The following ELAVL4 variants were observed in gnomAD, a reference collection of about 807,000 sequenced individuals.
ELAVL4 encodes the protein ELAV-like protein 4.
A neutral mutation model predicts 35.6 loss-of-function variants in ELAVL4; 1 was observed. The ratio of observed to expected loss-of-function variants is 0.03; its 90% CI spans 0.01 to 0.13. ELAVL4 has a LOEUF of 0.13. Ranked by LOEUF, ELAVL4 falls within the 10% of genes least tolerant of loss-of-function variation. ELAVL4 has a pLI of 1.00. For synonymous variants in ELAVL4, 156 were observed against 171.0 expected, an observed-to-expected ratio of 0.91 and a Z score of 0.69; for missense variants, 267 against 464.9, an observed-to-expected ratio of 0.57 and a Z score of 3.91.
intron 1 of ELAVL4, among the ~76,000 whole-genome samples, chr1:50,120,780 G>T (rs759054034): frequency 6.6e-6 from 1 of 151,986 alleles, no homozygotes; most frequent in African/African-American, 2.4e-5. Flanking sequence ...GAAAAATATC[G>T]ACTTTACTTC....
Position 50,109,019 on chromosome 1 carries a change from C to CGGGGGGGGG in ELAVL4, c.-171_-170insGGGGGGGGG. ...CTTTTCTTTTTTTTCTTTCTCTCCC[C>CGGGGGGGGG]CGCCCACCCCCCCAAAAATAATTGA... On this transcript the variant is annotated 5_prime_UTR_variant, in exon 1 of 7. Coordinates refer to ENST00000371824, the MANE Select transcript of ELAVL4 (RefSeq NM_001144774.3). 7.5e-6 allele frequency: 4 copies of CGGGGGGGGG among 531,354 alleles called. No individual in the cohort carries two copies. The highest frequency in any genetic ancestry group is 9.4e-6 in the Non-Finnish European group (4 of 427,086). The allele number at this position is 531,354 out of a possible 1,614,324, so 32.9% of individuals were successfully genotyped here.
intron 1 of ELAVL4, among the ~76,000 whole-genome samples, chr1:50,129,479 A>G (rs945427562): frequency 2.0e-5 from 3 of 152,160 alleles, no homozygotes; most frequent in African/African-American, 4.8e-5. Context: ...TCTTATTAAC[A>G]TTTGAAGTAC....
At chr1:50,179,789 T>A (rs540530661) in intron 3 of ELAVL4, 5 of 152,260 alleles carry the variant, frequency 3.3e-5, no homozygotes, top group African/African-American at 1.2e-4. Context: ...ATGCACAAAG[T>A]AGGTTCAGGC....
At chr1:50,120,963 T>C (rs1372498358) in intron 1 of ELAVL4, among the ~76,000 whole-genome samples, 2 of 152,208 alleles carry the variant, frequency 1.3e-5, no homozygotes, top group East Asian at 3.9e-4. Context: ...CAAGTACACG[T>C]ACCAAAGCAT....
At chr1:50,128,941 A>C (rs1390570902) in intron 1 of ELAVL4, among the ~76,000 whole-genome samples, 1 of 152,014 alleles carries the variant, frequency 6.6e-6, no homozygotes, top group East Asian at 1.9e-4. Flanking sequence ...TTTGCTCCTT[A>C]ACCCTTAGTT....
chr1:50,112,372 A>G (rs559041953), intron 1 of ELAVL4, among the ~76,000 whole-genome samples: 2 of 152,258 alleles, frequency 1.3e-5, no homozygotes, highest in South Asian at 4.1e-4. Flanking sequence ...TGTAAAAAAG[A>G]CACGTGGTTC....
At position 50,186,107 on chromosome 1, in the gene ELAVL4, A is replaced by G. The variant is rs572972081; in HGVS notation, c.355-7658A>G. ...GCAAGACACATGAATCTATCGTCACATCTTTTCTATTCTTTAAAAGAAATA... is the reference window on the plus strand; with the variant it reads ...GCAAGACACATGAATCTATCGTCACGTCTTTTCTATTCTTTAAAAGAAATA... On this transcript the variant is annotated intron_variant, in intron 3 of 6. Coordinates refer to ENST00000371824, the MANE Select transcript of ELAVL4 (RefSeq NM_001144774.3). 7.7e-4 allele frequency among the ~76,000 whole-genome samples: 118 copies of G among 152,284 alleles called. No homozygotes were observed. In the Middle Eastern group the frequency reaches 0.02, roughly 26 times the overall value.
At chr1:50,088,836 C>T (rs894156837) in intron 1 of ELAVL4, among the ~76,000 whole-genome samples, 1 of 152,164 alleles carries the variant, frequency 6.6e-6, no homozygotes, top group Non-Finnish European at 1.5e-5. Flanking sequence ...TCCCACAGAC[C>T]CTGTTCTCCA....
upstream of ELAVL4, chr1:50,106,061 A>G (rs1199877375): frequency 1.2e-5 from 5 of 401,968 alleles, no homozygotes; most frequent in Non-Finnish European, 2.2e-5. Context: ...AGTCAAGGAA[A>G]TACAATTCAC....
chr1:50,187,017 T>A (rs145239489), intron 3 of ELAVL4, among the ~76,000 whole-genome samples: 1 of 152,194 alleles, frequency 6.6e-6, no homozygotes, highest in African/African-American at 2.4e-5. Flanking sequence ...TCCCTGCTCC[T>A]AGAGGTGGGA....
intron 1 of ELAVL4, among the ~76,000 whole-genome samples, chr1:50,090,471 T>C (rs971214620): frequency 2.0e-5 from 3 of 151,930 alleles, no homozygotes; most frequent in Non-Finnish European, 2.9e-5. Flanking sequence ...AAAAAAAAAA[T>C]TGAACAGTAT....
At chr1:50,080,207 G>A (rs1452829526) in intron 1 of ELAVL4, among the ~76,000 whole-genome samples, 1 of 152,200 alleles carries the variant, frequency 6.6e-6, no homozygotes, top group Non-Finnish European at 1.5e-5. Flanking sequence ...ATGTAAATCA[G>A]TACTGGCACT....
At chr1:50,064,303 AT>A (rs1355995344) in intron 1 of ELAVL4, among the ~76,000 whole-genome samples, 1 of 151,956 alleles carries the variant, frequency 6.6e-6, no homozygotes, top group Non-Finnish European at 1.5e-5. Context: ...ATTCTTACCG[AT>A]TTTTTCCCTG....
chr1:50,178,413 CA>C (rs903801144), intron 3 of ELAVL4, among the ~76,000 whole-genome samples: 12 of 152,320 alleles, frequency 7.9e-5, no homozygotes, highest in African/African-American at 2.9e-4. Flanking sequence ...GTAATCAAAA[CA>C]AAAACAAAGC....
At chr1:50,086,049 T>G (rs554606464) in intron 1 of ELAVL4, among the ~76,000 whole-genome samples, 21 of 152,340 alleles carry the variant, frequency 1.4e-4, no homozygotes, top group Admixed American at 1.0e-3. Flanking sequence ...ATGTGAGTGC[T>G]TTAAGTAGTA....
At chr1:50,066,906 T>G (rs1490664225) in intron 1 of ELAVL4, among the ~76,000 whole-genome samples, 1 of 152,136 alleles carries the variant, frequency 6.6e-6, no homozygotes, top group Non-Finnish European at 1.5e-5. Flanking sequence ...CATGTCCCAT[T>G]TTTCCTTTTC....
At chr1:50,114,857 T>C (rs1472742760) in intron 1 of ELAVL4, 2 of 152,040 alleles carry the variant, frequency 1.3e-5, no homozygotes, top group Admixed American at 1.3e-4. Context: ...AGTTTGGAAA[T>C]GGAATTGTTA....
intron 1 of ELAVL4, among the ~76,000 whole-genome samples, chr1:50,098,615 CT>C (rs1477715172): frequency 6.6e-6 from 1 of 152,198 alleles, no homozygotes; most frequent in African/African-American, 2.4e-5. Flanking sequence ...GTATTTTGAA[CT>C]TCAAGCTGCT....
chr1:50,051,070 T>A (rs982660983), intron 1 of ELAVL4, among the ~76,000 whole-genome samples: 1 of 152,180 alleles, frequency 6.6e-6, no homozygotes, highest in African/African-American at 2.4e-5. Flanking sequence ...CAAAAATTAT[T>A]AATAAAATGT....
Sources: gnomAD v4.1 joint callset for allele counts (sites outside exome capture counted in the v4.1 genomes callset) on GRCh38, gnomAD v4.1.1 for gene constraint, MANE v1.5 for transcripts, NCBI Gene and HGNC (gene_info 2026-07-23, HGNC 2026-07-21) for gene names.